Variants in RTN4 observed in about 807,000 individuals in gnomAD.
RTN4 encodes reticulon-4.
In RTN4, 32 loss-of-function variants were observed where a neutral mutation model predicts 90.4. The ratio of observed to expected loss-of-function variants is 0.35; its 90% confidence interval spans 0.27 to 0.48. The LOEUF is 0.48. Ranked by LOEUF, RTN4 falls within the 20% of genes least tolerant of loss-of-function variation. The pLI is 0.99. For missense variants in RTN4, 1,706 were observed against 1,430.2 expected (o/e 1.19, Z -3.11); for synonymous variants, 629 against 552.5 (o/e 1.14, Z -1.94).
At chr2:55,082,290 C>G (rs1668735618) in intron 1 of RTN4, among the ~76,000 whole-genome samples, 1 of 152,196 alleles carries the variant, frequency 6.6e-6, no homozygotes, top group African/African-American at 2.4e-5. Context: ...GATCATATAT[C>G]ACCTCGGCAA....
chr2:54,994,605 C>T (rs1381745007), intron 3 of RTN4, among the ~76,000 whole-genome samples: 1 of 152,152 alleles, frequency 6.6e-6, no homozygotes, highest in East Asian at 1.9e-4. Flanking sequence ...TCTACAAAAA[C>T]CCACAGCTAA....
At chr2:55,125,908 A>G in the RTN4 span, among the ~76,000 whole-genome samples, 1 of 151,840 alleles carries the variant, frequency 6.6e-6, no homozygotes, top group East Asian at 1.9e-4. Context: ...AAAAATACAA[A>G]AAATTAGCCA....
At chr2:55,093,576 C>T (rs1426484010) in intron 1 of RTN4, among the ~76,000 whole-genome samples, 1 of 152,090 alleles carries the variant, frequency 6.6e-6, no homozygotes, top group Admixed American at 6.6e-5. Context: ...CCGGAGGAAG[C>T]CCTGAGTCAT....
the RTN4 span, among the ~76,000 whole-genome samples, chr2:55,120,261 GC>G: frequency 2.0e-5 from 3 of 152,314 alleles, no homozygotes; most frequent in East Asian, 5.8e-4. Flanking sequence ...AATGCTTCCT[GC>G]CCCCCTCACT....
chr2:55,025,169 G>C lies in RTN4; in HGVS notation c.2930C>G (p.Ala977Gly). The change falls in exon 3 of 9, where the codon GCT becomes GGT. Residue 977 changes from alanine to glycine, a missense_variant. Transcript: ENST00000337526. ...TGTATCGGAAGGAAGTTTTTTCTCA[G>C]CTTCTTTCACAAGAACTTTGGGTTT... ...IVKPKVLVKE[A>G]EKKLPSDTEK... The C allele has an allele frequency of 1.2e-6, 2 of 1,613,712 alleles. No homozygotes were observed. The highest frequency in any genetic ancestry group is 2.2e-5 in the South Asian group (2 of 91,050).
Position 55,026,610 on chromosome 2 carries a change from T to C in RTN4, c.1489A>G (p.Ile497Val), listed in dbSNP as rs752114126. ...TSENKTDEKK[I>V]EEKKAQIVTE... ...ACTATTTGGGCCTTCTTTTCTTCTA[T>C]TTTTTTTTCATCGGTCTTATTTTCT... Residue 497 changes from isoleucine to valine, a missense_variant, in exon 3 of 9, where the codon ATA becomes GTA. By Grantham distance (29) the Ile-to-Val change is conservative. Transcript: ENST00000337526. 1.1e-5 allele frequency: 17 copies of C among 1,606,050 alleles called. No homozygotes were observed. Among genetic ancestry groups the C allele is most frequent in the African/African-American group, 4.0e-5 (3 of 74,392 alleles).
the RTN4 span, among the ~76,000 whole-genome samples, chr2:55,136,571 A>C: frequency 0.57 from 87,117 of 152,160 alleles, 25,057 homozygotes; most frequent in African/African-American, 0.62. Context: ...CCCTCAGATG[A>C]ATTCTTTCGC....
At chr2:55,014,465 G>A (rs1235687128) in intron 3 of RTN4, 3 of 151,834 alleles carry the variant, frequency 2.0e-5, no homozygotes, top group Admixed American at 2.0e-4. Flanking sequence ...CTTGTGCAGG[G>A]GCTATGCTAA....
intron 1 of RTN4, among the ~76,000 whole-genome samples, chr2:55,097,521 T>G (rs1343138260): frequency 6.6e-6 from 1 of 152,020 alleles, no homozygotes; most frequent in East Asian, 1.9e-4. Flanking sequence ...CACTTGCTAT[T>G]GCCCCAGAGA....
rs539239675 is a variant in RTN4 at position 55,070,476 on chromosome 2, A to T, written c.-63+10013T>A. ...CCAGAGGATCACTTGGGCCCAAGAA[A>T]TCAAGGCTGTAGTGAGCTATGATCA... On this transcript the variant is annotated intron_variant, in intron 2 of 3. Coordinates refer to the RTN4 transcript ENST00000427710. Among the ~76,000 whole-genome samples the T allele has an allele frequency of 2.0e-5, 3 of 149,432 alleles. No homozygotes were observed. The East Asian group carries it at 6.0e-4, about 30-fold the overall frequency.
intron 3 of RTN4, among the ~76,000 whole-genome samples, chr2:55,002,708 C>G (rs751253970): frequency 6.6e-6 from 1 of 152,144 alleles, no homozygotes; most frequent in Non-Finnish European, 1.5e-5. Flanking sequence ...TTCATTTTCT[C>G]TAAGGTAAAG....
the RTN4 span, among the ~76,000 whole-genome samples, chr2:55,125,504 G>A: frequency 1.8e-4 from 27 of 152,316 alleles, no homozygotes; most frequent in East Asian, 2.5e-3. Context: ...GGTGGCTCAC[G>A]CCCATAATCC....
intron 1 of RTN4, among the ~76,000 whole-genome samples, chr2:55,112,097 T>C (rs1027583873): frequency 6.6e-5 from 10 of 152,186 alleles, no homozygotes; most frequent in Non-Finnish European, 7.3e-5. Context: ...CTTGGCTTTG[T>C]GAGGAGCTCA....
chr2:55,007,982 C>A (rs1217666922), intron 3 of RTN4, among the ~76,000 whole-genome samples: 1 of 152,046 alleles, frequency 6.6e-6, no homozygotes, highest in African/African-American at 2.4e-5. Context: ...CTACCTTAAT[C>A]AAAATTTTCC....
At chr2:55,054,784 A>G (rs1331504751), upstream of RTN4, among the ~76,000 whole-genome samples, 1 of 152,182 alleles carries the variant, frequency 6.6e-6, no homozygotes, top group African/African-American at 2.4e-5. Flanking sequence ...CTATGTAAAA[A>G]AGACTGAAAT....
chr2:55,099,236 T>A (rs969911726), intron 1 of RTN4, among the ~76,000 whole-genome samples: 1 of 152,138 alleles, frequency 6.6e-6, no homozygotes. Context: ...ATCAGTTCAA[T>A]AATGAGTTGC....
chr2:55,008,158 C>CACACAG (rs1228575373), intron 3 of RTN4, among the ~76,000 whole-genome samples: 2 of 151,666 alleles, frequency 1.3e-5, no homozygotes, highest in Non-Finnish European at 2.9e-5. Context: ...CACACACACA[C>CACACAG]ACACACACAC....
intron 3 of RTN4, among the ~76,000 whole-genome samples, chr2:54,988,136 G>C (rs1558770172): frequency 6.6e-6 from 1 of 152,164 alleles, no homozygotes; most frequent in Non-Finnish European, 1.5e-5. Context: ...GGCCAACACG[G>C]CAAAACTCCG....
At chr2:54,982,217 A>G (rs1678192353) in intron 5 of RTN4, among the ~76,000 whole-genome samples, 1 of 152,000 alleles carries the variant, frequency 6.6e-6, no homozygotes, top group African/African-American at 2.4e-5. Context: ...CGGCCTCCCA[A>G]AGTGCTAGGA....
Sources: gnomAD v4.1 joint callset for allele counts (sites outside exome capture counted in the v4.1 genomes callset) on GRCh38, gnomAD v4.1.1 for gene constraint, MANE v1.5 for transcripts, NCBI Gene and HGNC (gene_info 2026-07-23, HGNC 2026-07-21) for gene names.